NCOR2: variants seen among roughly 807,000 people sequenced by gnomAD.
NCOR2 encodes the protein CTG repeat protein 26.
In NCOR2, 81 loss-of-function variants were observed where a neutral mutation model predicts 262.9. That is an observed-to-expected ratio of 0.31 (90% CI 0.26 to 0.37). The LOEUF is 0.37. Among genes scored for constraint, NCOR2 ranks in the 10% least tolerant of loss-of-function variants. The pLI, the probability that NCOR2 is intolerant of heterozygous loss-of-function variation, is 1.00. For missense variants in NCOR2, 3,385 were observed against 3,621.4 expected (o/e 0.93, Z 1.68); for synonymous variants, 1,659 against 1,559.3 (o/e 1.06, Z -1.51).
intron 1 of NCOR2, among the ~76,000 whole-genome samples, chr12:124,555,251 G>A (rs2051845079): frequency 6.6e-6 from 1 of 152,168 alleles, no homozygotes; most frequent in Non-Finnish European, 1.5e-5. Flanking sequence ...CCTCTCTGGA[G>A]CACCCTCACC....
chr12:124,553,951 C>T (rs2051799355), intron 1 of NCOR2, among the ~76,000 whole-genome samples: 1 of 152,162 alleles, frequency 6.6e-6, no homozygotes. Flanking sequence ...GCTGGGGAAC[C>T]AGAGGCCACC....
intron 30 of NCOR2, 131 bp downstream of exon 32, chr12:124,347,694 A>C (rs1355643019): frequency 6.0e-6 from 5 of 835,168 alleles, no homozygotes; most frequent in Non-Finnish European, 7.7e-6. Context: ...GATCATGTAC[A>C]TGTGTGCTGC....
exon 46 of NCOR2, chr12:124,326,357 C>T (rs1442510303): frequency 1.3e-5 from 19 of 1,496,732 alleles, no homozygotes; most frequent in Non-Finnish European, 1.7e-5. Flanking sequence ...AGACCTTGGC[C>T]TTCCCGCCGC....
At chr12:124,426,338 A>G (rs2043546030) in intron 11 of NCOR2, among the ~76,000 whole-genome samples, 7 of 152,226 alleles carry the variant, frequency 4.6e-5, no homozygotes, top group Admixed American at 4.6e-4. Flanking sequence ...TCGAAGGCAG[A>G]GCATGGAAGG....
At chr12:124,351,624 T>C (rs1347428834) in intron 27 of NCOR2, among the ~76,000 whole-genome samples, 1 of 152,124 alleles carries the variant, frequency 6.6e-6, no homozygotes, top group African/African-American at 2.4e-5. Context: ...CATCCTGCCT[T>C]GGGTGACTTT....
At chr12:124,356,862 A>C in intron 22 of NCOR2, 80 bp from the exon 25 acceptor site, 1 of 1,393,296 alleles carries the variant, frequency 7.2e-7, no homozygotes, top group Non-Finnish European at 9.3e-7. Flanking sequence ...ACCCTACACA[A>C]ATGGCCTTCC....
chr12:124,338,869 C>A (rs2036126116), intron 37 of NCOR2, among the ~76,000 whole-genome samples: 1 of 151,802 alleles, frequency 6.6e-6, no homozygotes, highest in South Asian at 2.1e-4. Flanking sequence ...ACTCATCCAA[C>A]CATCCATTCC....
intron 22 of NCOR2, among the ~76,000 whole-genome samples, chr12:124,359,034 G>A (rs1013642208): frequency 4.6e-5 from 7 of 152,254 alleles, no homozygotes; most frequent in African/African-American, 1.2e-4. Context: ...CATGGCCTGC[G>A]GCAGAGAAGC....
chr12:124,390,132 T>C (rs2041186709), intron 16 of NCOR2, among the ~76,000 whole-genome samples: 1 of 152,128 alleles, frequency 6.6e-6, no homozygotes, highest in East Asian at 1.9e-4. Context: ...GATCTGGGCC[T>C]CTCCACCTGA....
chr12:124,536,035 T>G (rs1002752955), upstream of NCOR2, among the ~76,000 whole-genome samples: 1 of 151,684 alleles, frequency 6.6e-6, no homozygotes, highest in African/African-American at 2.4e-5. Flanking sequence ...GGGGTGGGGG[T>G]GTCTACTATT....
intron 20 of NCOR2, among the ~76,000 whole-genome samples, chr12:124,368,870 C>A (rs12369200): frequency 6.6e-6 from 1 of 152,252 alleles, no homozygotes; most frequent in Non-Finnish European, 1.5e-5. Flanking sequence ...CCAGCGCCCC[C>A]GGCGCCTGGC....
At position 124,473,136 on chromosome 12, in the gene NCOR2, G is replaced by A. The variant is rs1419610144; in HGVS notation, c.412-5C>T. On this transcript the variant is annotated splice_polypyrimidine_tract_variant and splice_region_variant and intron_variant, in intron 3 of 46. Transcript: ENST00000405201. ...CTTGCCCGTCAGGCTACGGTCCTGT[G>A]GCAGAAAAAAAACGGGCATGGGGTC... The A allele has an allele frequency of 6.8e-6, 11 of 1,613,562 alleles. No individual in the cohort carries two copies. The South Asian group carries it at 1.2e-4, about 18-fold the overall frequency.
chr12:124,496,163 C>T (rs543272114), upstream of NCOR2, among the ~76,000 whole-genome samples: 8 of 152,112 alleles, frequency 5.3e-5, no homozygotes, highest in South Asian at 2.1e-4. This position sits in a 1 kb window ranked among gnomAD's most constrained non-coding sequence, Gnocchi z 4.4. Context: ...AGAGAAGACA[C>T]GGCCCAGCAA....
At chr12:124,333,897 C>CGCACATGTGTGT (rs1593091151) in intron 41 of NCOR2, among the ~76,000 whole-genome samples, 12 of 123,618 alleles carry the variant, frequency 9.7e-5, no homozygotes, top group African/African-American at 3.0e-4. Context: ...TGTGTGTGTG[C>CGCACATGTGTGT]GCGCGCATGT....
intron 13 of NCOR2, among the ~76,000 whole-genome samples, chr12:124,415,521 C>A (rs1241302360): frequency 6.6e-6 from 1 of 152,240 alleles, no homozygotes; most frequent in East Asian, 1.9e-4. Context: ...TGGGGGGTGG[C>A]AGGGCCCAGG....
Position 124,486,577 on chromosome 12 carries a change from G to T in NCOR2, c.106-9C>A. The T allele has an allele frequency of 6.4e-7, 1 of 1,562,148 alleles. No individual in the cohort carries two copies. The highest frequency in any genetic ancestry group is 8.7e-7 in the Non-Finnish European group (1 of 1,155,196). ...TCCAGGAGCCCGACGTCCTGCAGGAGGGGACAGAGGAGTGGTGAGCGTGGG... is the reference window on the plus strand; with the variant it reads ...TCCAGGAGCCCGACGTCCTGCAGGATGGGACAGAGGAGTGGTGAGCGTGGG... On this transcript the variant is annotated splice_polypyrimidine_tract_variant and intron_variant, in intron 1 of 46. Coordinates refer to ENST00000405201, the Ensembl canonical transcript of NCOR2.
At position 124,481,258 on chromosome 12, in the gene NCOR2, G is replaced by C. The variant is rs558065431; in HGVS notation, c.411+2338C>G. 6.6e-6 allele frequency among the ~76,000 whole-genome samples: 1 copy of C among 152,198 alleles called. No individual in the cohort carries two copies. Among genetic ancestry groups the C allele is most frequent in the African/African-American group, 2.4e-5 (1 of 41,518 alleles). On this transcript the variant is annotated intron_variant, in intron 3 of 46. Coordinates refer to ENST00000405201, the Ensembl canonical transcript of NCOR2. This position sits in a 1 kb window ranked among gnomAD's most constrained non-coding sequence, Gnocchi z 4.6. ...GGCGTCGGGGCAGGGATGCTGGCTG[G>C]GGTACCCGAGGGGGCAGTGCCCGAG...
intron 6 of NCOR2, among the ~76,000 whole-genome samples, chr12:124,451,404 A>G (rs2045525254): frequency 6.6e-6 from 1 of 152,160 alleles, no homozygotes; most frequent in South Asian, 2.1e-4. Flanking sequence ...TGATACAATC[A>G]TCCCCCACTG....
chr12:124,341,700 C>A (rs12313858), intron 34 of NCOR2, 123 bp downstream of exon 36: 56 of 1,433,200 alleles, frequency 3.9e-5, no homozygotes, highest in Non-Finnish European at 4.8e-5. Context: ...CACTCAGGTC[C>A]GTTCACACAA....
Sources: gnomAD v4.1 joint callset for allele counts (sites outside exome capture counted in the v4.1 genomes callset) on GRCh38, gnomAD v4.1.1 for gene constraint, Gnocchi (gnomAD v3.1) non-coding constraint, MANE v1.5 for transcripts, NCBI Gene and HGNC (gene_info 2026-07-23, HGNC 2026-07-21) for gene names.